Variants in TRMT11 observed in about 807,000 individuals in gnomAD.
The protein encoded by TRMT11 is tRNA (guanine(10)-N(2))-methyltransferase TRMT11.
TRMT11 carries 53 observed loss-of-function variants against 62.8 expected under a neutral mutation model. The observed-to-expected ratio is 0.84, with a 90% CI of 0.68 to 1.06. The LOEUF (loss-of-function observed/expected upper bound fraction) is 1.06, where lower values mean the gene tolerates loss of function less well. Ranked by LOEUF, TRMT11 falls within the 50% of genes least tolerant of loss-of-function variation. The pLI is 0.00. For synonymous variants in TRMT11, 188 were observed against 190.3 expected (o/e 0.99, Z 0.10); for missense variants, 556 against 553.4 (o/e 1.00, Z -0.05).
chr6:125,986,727 G>T lies in TRMT11; in HGVS notation c.72+105G>T, dbSNP rs1401089946. 1.3e-5 allele frequency: 14 copies of T among 1,081,952 alleles called. No homozygotes were observed. The East Asian group carries it at 3.2e-4, about 24-fold the overall frequency. The allele number at this position is 1,081,952 out of a possible 1,614,324, so 67.0% of individuals were successfully genotyped here. A position where few individuals can be genotyped will look rare whatever the true frequency, so the allele number is the denominator to read the frequency against. On this transcript the variant is annotated intron_variant, in intron 1 of 12. Transcript: ENST00000334379. ...AGCCCGAGGAAGCTGGGATTCGGGG[G>T]TCTTCGCTGGTCTGCGCGGGTCACG...
intron 17 of TRMT11, among the ~76,000 whole-genome samples, chr6:126,082,403 A>AAT (rs1191140606): frequency 4.6e-5 from 7 of 152,086 alleles, no homozygotes; most frequent in Non-Finnish European, 1.0e-4. Context: ...TGTGCACTAT[A>AAT]ATATACATGT....
chr6:126,154,158 A>G (rs1390497647), intron 21 of TRMT11, among the ~76,000 whole-genome samples: 2 of 152,226 alleles, frequency 1.3e-5, no homozygotes, highest in Non-Finnish European at 2.9e-5. Flanking sequence ...AGTTCTTTCC[A>G]CTACCACTTA....
chr6:126,031,600 T>C (rs1394633584), intron 12 of TRMT11, among the ~76,000 whole-genome samples: 8 of 152,114 alleles, frequency 5.3e-5, no homozygotes, highest in Non-Finnish European at 1.0e-4. Context: ...TACAGAAGCA[T>C]GAGAGGCATT....
intron 21 of TRMT11, among the ~76,000 whole-genome samples, chr6:126,132,810 T>G (rs1777800876): frequency 6.6e-6 from 1 of 152,002 alleles, no homozygotes; most frequent in Admixed American, 6.6e-5. Flanking sequence ...GTTTTAGAGT[T>G]GGTTGTACTG....
chr6:125,998,142 G>C lies in TRMT11; in HGVS notation c.294+8G>C. ...TACCCTGTGGAGAAGATGGTGCGTAGTAAAATGTGGTTTTATATAGGCATG... is the reference window on the plus strand; with the variant it reads ...TACCCTGTGGAGAAGATGGTGCGTACTAAAATGTGGTTTTATATAGGCATG... On this transcript the variant is annotated splice_region_variant and intron_variant, in intron 4 of 12. Coordinates refer to ENST00000334379, the MANE Select transcript of TRMT11 (RefSeq NM_001031712.3). 1 of 1,611,782 alleles carries C rather than the reference G, an allele frequency of 6.2e-7. No individual in the cohort carries two copies. The highest frequency in any genetic ancestry group is 8.5e-7 in the Non-Finnish European group (1 of 1,177,936).
At chr6:126,268,991 G>C in the TRMT11 span, among the ~76,000 whole-genome samples, 29,736 of 151,822 alleles carry the variant, frequency 0.2, 3,488 homozygotes, top group East Asian at 0.53. Flanking sequence ...GCCGGGCGCG[G>C]TGGCTCACGC....
intron 21 of TRMT11, among the ~76,000 whole-genome samples, chr6:126,168,199 G>A (rs868174623): frequency 3.3e-5 from 5 of 152,242 alleles, no homozygotes; most frequent in Middle Eastern, 3.4e-3. Flanking sequence ...CTCTTACACC[G>A]GCAACCTCAG....
intron 5 of TRMT11, 46 bp from the exon 6 acceptor site, chr6:125,998,504 A>T (rs772057549): frequency 9.7e-5 from 152 of 1,572,276 alleles, no homozygotes; most frequent in Non-Finnish European, 1.3e-4. Flanking sequence ...GCCATTTTTC[A>T]TTGTAAATTA....
intron 21 of TRMT11, among the ~76,000 whole-genome samples, chr6:126,166,631 C>T (rs904689040): frequency 6.6e-6 from 1 of 152,220 alleles, no homozygotes; most frequent in Non-Finnish European, 1.5e-5. Context: ...TAGCAGAGCT[C>T]GAGCGCTATG....
intron 1 of TRMT11, among the ~76,000 whole-genome samples, chr6:126,188,075 T>C (rs1361514984): frequency 1.3e-5 from 2 of 151,750 alleles, no homozygotes; most frequent in Non-Finnish European, 2.9e-5. Context: ...TTAGAGGGGA[T>C]ACAAAAGCAC....
At chr6:126,037,651 A>T (rs1775436348) in intron 12 of TRMT11, among the ~76,000 whole-genome samples, 1 of 152,084 alleles carries the variant, frequency 6.6e-6, no homozygotes, top group African/African-American at 2.4e-5. Context: ...TATGTGGCAA[A>T]AACAGTTTCT....
the TRMT11 span, among the ~76,000 whole-genome samples, chr6:126,217,404 C>T: frequency 2.4e-3 from 364 of 152,278 alleles, no homozygotes; most frequent in Non-Finnish European, 4.3e-3. Flanking sequence ...TTTGAAGCGA[C>T]TTGGGTGTTA....
the TRMT11 span, among the ~76,000 whole-genome samples, chr6:126,263,461 A>G: frequency 6.6e-6 from 1 of 152,208 alleles, no homozygotes; most frequent in Admixed American, 6.5e-5. Context: ...CAACACAAAA[A>G]TCTCCACAAA....
At chr6:126,153,965 G>T (rs1187514582) in intron 21 of TRMT11, among the ~76,000 whole-genome samples, 2 of 152,156 alleles carry the variant, frequency 1.3e-5, no homozygotes, top group Non-Finnish European at 2.9e-5. Flanking sequence ...CATTCTCACT[G>T]CATTGACACT....
At chr6:126,013,171 CTT>C (rs1382071654) in intron 11 of TRMT11, 70 bp downstream of exon 11, 8 of 1,397,616 alleles carry the variant, frequency 5.7e-6, no homozygotes, top group Non-Finnish European at 6.9e-6. Context: ...ATAATTTTCT[CTT>C]TATCTCTTCT....
the TRMT11 span, among the ~76,000 whole-genome samples, chr6:126,266,081 T>C: frequency 6.6e-6 from 1 of 152,166 alleles, no homozygotes; most frequent in Non-Finnish European, 1.5e-5. Flanking sequence ...TGAAAATGAT[T>C]GTAAATTATT....
the TRMT11 span, among the ~76,000 whole-genome samples, chr6:126,233,685 G>A: frequency 5.3e-5 from 8 of 152,082 alleles, no homozygotes; most frequent in African/African-American, 1.9e-4. Flanking sequence ...TCTTTTAGAG[G>A]TCTACAAAAA....
chr6:126,074,025 G>T (rs1026157018), intron 17 of TRMT11, among the ~76,000 whole-genome samples: 1 of 152,138 alleles, frequency 6.6e-6, no homozygotes, highest in African/African-American at 2.4e-5. Context: ...CTGCCTCCAA[G>T]ATTAAATGAC....
chr6:126,212,975 A>T, the TRMT11 span, among the ~76,000 whole-genome samples: 1 of 152,142 alleles, frequency 6.6e-6, no homozygotes, highest in Non-Finnish European at 1.5e-5. Context: ...GTCTAGTTTC[A>T]TTCTTCTGCA....
Sources: gnomAD v4.1 joint callset for allele counts (sites outside exome capture counted in the v4.1 genomes callset) on GRCh38, gnomAD v4.1.1 for gene constraint, MANE v1.5 for transcripts, NCBI Gene and HGNC (gene_info 2026-07-23, HGNC 2026-07-21) for gene names.